The following MYO3B variants were observed in gnomAD, a reference collection of about 807,000 sequenced individuals.
MYO3B encodes myosin-IIIb.
Under a neutral mutation model 174.6 loss-of-function variants are expected in MYO3B, and 156 were observed. The observed-to-expected ratio is 0.89, with a 90% CI of 0.78 to 1.02. The LOEUF is 1.02. Among genes scored for constraint, MYO3B ranks in the 50% least tolerant of loss-of-function variants. MYO3B has a pLI of 0.00. For missense variants in MYO3B, 1,632 were observed against 1,639.4 expected (o/e 1.00, Z 0.08); for synonymous variants, 563 against 569.1 (o/e 0.99, Z 0.15).
At chr2:170,628,055 C>G (rs920538602) in intron 32 of MYO3B, among the ~76,000 whole-genome samples, 1 of 152,160 alleles carries the variant, frequency 6.6e-6, no homozygotes, top group Non-Finnish European at 1.5e-5. Flanking sequence ...GCTGGGAGAA[C>G]CACTACTCTC....
chr2:170,604,374 A>G (rs1694691212), intron 32 of MYO3B, among the ~76,000 whole-genome samples: 1 of 152,222 alleles, frequency 6.6e-6, no homozygotes, highest in Non-Finnish European at 1.5e-5. Context: ...AGCAAGGGCT[A>G]GGGTTCTGGG....
At chr2:170,555,547 A>G (rs1281301708) in intron 32 of MYO3B, among the ~76,000 whole-genome samples, 1 of 152,028 alleles carries the variant, frequency 6.6e-6, no homozygotes, top group African/African-American at 2.4e-5. Context: ...GTATATAGCC[A>G]TTTCTGATTG....
intron 30 of MYO3B, among the ~76,000 whole-genome samples, chr2:170,520,265 C>T (rs1688591358): frequency 6.6e-6 from 1 of 151,960 alleles, no homozygotes; most frequent in Admixed American, 6.6e-5. Flanking sequence ...AAAGAATTGT[C>T]CAGCCTCAGA....
At chr2:170,612,845 A>G (rs930181391) in intron 32 of MYO3B, among the ~76,000 whole-genome samples, 4 of 152,236 alleles carry the variant, frequency 2.6e-5, no homozygotes, top group African/African-American at 9.6e-5. Flanking sequence ...TTCTTAGCAG[A>G]GCATGACCCA....
chr2:170,407,838 A>G lies in MYO3B; in HGVS notation c.2644A>G (p.Lys882Glu), dbSNP rs1294724351. 1 of 1,613,930 alleles carries G rather than the reference A, an allele frequency of 6.2e-7. No individual in the cohort carries two copies. Among genetic ancestry groups the G allele is most frequent in the Admixed American group, 1.7e-5 (1 of 60,020 alleles). ...GCAGCTCTTCTCAATCCCTCTGACC[A>G]AAACAGGTACTTGGGAACCCTCTGA... The part of the protein sequence containing the change: ...LQQLFSIPLT[K>E]TGNLAQTRAR... The change falls in exon 22 of 35, where the codon AAA becomes GAA. Residue 882 changes from lysine to glutamate, a missense_variant. Transcript: ENST00000408978.
At chr2:170,444,711 T>A (rs1352800199) in intron 23 of MYO3B, among the ~76,000 whole-genome samples, 1 of 152,228 alleles carries the variant, frequency 6.6e-6, no homozygotes, top group East Asian at 1.9e-4. Flanking sequence ...CAGATGTACA[T>A]ATTTATATTT....
chr2:170,561,256 C>T (rs1311756682), intron 32 of MYO3B, among the ~76,000 whole-genome samples: 1 of 152,170 alleles, frequency 6.6e-6, no homozygotes, highest in Non-Finnish European at 1.5e-5. Flanking sequence ...ATCTACCACC[C>T]TGAGCAAATT....
intron 32 of MYO3B, among the ~76,000 whole-genome samples, chr2:170,573,251 G>A (rs1037450664): frequency 3.4e-4 from 49 of 143,324 alleles, no homozygotes; most frequent in Non-Finnish European, 6.2e-4. Context: ...ATATATATAT[G>A]TATGCTATGT....
chr2:170,402,000 A>G (rs2094480672), intron 18 of MYO3B, among the ~76,000 whole-genome samples: 3 of 152,052 alleles, frequency 2.0e-5, no homozygotes, highest in African/African-American at 7.2e-5. Flanking sequence ...AGACACAGTG[A>G]GATCCAGGAC....
At chr2:170,598,019 A>T (rs1421192606) in intron 32 of MYO3B, among the ~76,000 whole-genome samples, 1 of 152,232 alleles carries the variant, frequency 6.6e-6, no homozygotes, top group East Asian at 1.9e-4. Context: ...TCCAGAAAAT[A>T]TCTGTTGTTT....
Position 170,519,359 on chromosome 2 carries a change from C to T in MYO3B, c.3473-79C>T, listed in dbSNP as rs1258467437. On this transcript the variant is annotated intron_variant, in intron 29 of 34. Transcript: ENST00000408978. ...TATGAGGGCAGGGAGAGAAGGGCTG[C>T]AGAGAGTGTAGATGGGCACCAAAAG... The T allele has an allele frequency of 5.6e-6, 6 of 1,079,710 alleles. No homozygotes were observed. In the East Asian group the frequency reaches 1.2e-4, roughly 22 times the overall value. The allele number at this position is 1,079,710 out of a possible 1,614,324, so 66.9% of individuals were successfully genotyped here. A position where few individuals can be genotyped will look rare whatever the true frequency, so the allele number is the denominator to read the frequency against.
At chr2:170,645,614 G>C (rs1404650895) in intron 32 of MYO3B, among the ~76,000 whole-genome samples, 1 of 151,190 alleles carries the variant, frequency 6.6e-6, no homozygotes, top group East Asian at 1.9e-4. Flanking sequence ...AAATCCAAAA[G>C]ACAGGGTTCA....
chr2:170,602,451 T>C (rs1694572404), intron 32 of MYO3B, among the ~76,000 whole-genome samples: 1 of 152,246 alleles, frequency 6.6e-6, no homozygotes, highest in South Asian at 2.1e-4. Flanking sequence ...GCCTTTTAAT[T>C]TGGGTTTTCT....
chr2:170,327,642 G>T (rs2093878601), intron 7 of MYO3B, among the ~76,000 whole-genome samples: 2 of 151,922 alleles, frequency 1.3e-5, no homozygotes, highest in African/African-American at 4.8e-5. Context: ...CTACTTTAAG[G>T]GATTGACCCT....
At chr2:170,238,954 C>T (rs892979186) in intron 7 of MYO3B, among the ~76,000 whole-genome samples, 2 of 152,206 alleles carry the variant, frequency 1.3e-5, no homozygotes, top group Admixed American at 6.5e-5. Context: ...CTGCGTGACT[C>T]ACAATCTTTC....
chr2:170,267,145 G>T (rs1257057236), intron 7 of MYO3B, among the ~76,000 whole-genome samples: 1 of 46,838 alleles, frequency 2.1e-5, no homozygotes, highest in Non-Finnish European at 1.2e-4. Flanking sequence ...AACAGCAGCT[G>T]GGGGTAGGGT....
chr2:170,626,515 T>A (rs1030418296), intron 32 of MYO3B, among the ~76,000 whole-genome samples: 1 of 152,224 alleles, frequency 6.6e-6, no homozygotes, highest in South Asian at 2.1e-4. Flanking sequence ...AATTTGCCAG[T>A]CTGTGTCAAT....
chr2:170,591,482 G>T (rs886727450), intron 32 of MYO3B, among the ~76,000 whole-genome samples: 1 of 152,176 alleles, frequency 6.6e-6, no homozygotes, highest in African/African-American at 2.4e-5. Context: ...AAAATGTGAG[G>T]TTAATGACAA....
intron 8 of MYO3B, among the ~76,000 whole-genome samples, chr2:170,335,938 C>A (rs1163308043): frequency 6.6e-6 from 1 of 152,056 alleles, no homozygotes; most frequent in East Asian, 1.9e-4. Context: ...GGTAAGGTAT[C>A]CCAGCCAAGG....
Sources: allele counts gnomAD v4.1 joint callset (sites outside exome capture counted in the v4.1 genomes callset), GRCh38; gene constraint gnomAD v4.1.1; transcripts MANE v1.5; gene names NCBI Gene and HGNC (gene_info 2026-07-23, HGNC 2026-07-21).